TNS2: variants seen among roughly 807,000 people sequenced by gnomAD.
TNS2 encodes the protein tensin-2.
In TNS2, 77 loss-of-function variants were observed where a neutral mutation model predicts 155.7. The observed-to-expected ratio is 0.49, with a 90% CI of 0.41 to 0.60. TNS2 has a LOEUF of 0.60. TNS2 is among the 20% of genes least tolerant of loss of function. The pLI is 0.00. For missense variants in TNS2, 1,703 were observed against 1,868.8 expected, an observed-to-expected ratio of 0.91 and a Z score of 1.64; for synonymous variants, 726 against 763.9, an observed-to-expected ratio of 0.95 and a Z score of 0.82.
rs760587200 is a variant in TNS2 at position 53,063,544 on chromosome 12, CCTT to C, written c.4062-13_4062-11del. On this transcript the variant is annotated splice_polypyrimidine_tract_variant and intron_variant, in intron 27 of 28. Transcript: ENST00000314250. This position sits in a 1 kb window ranked among gnomAD's most constrained non-coding sequence, Gnocchi z 5.6. The stretch of plus-strand genomic sequence containing the variant: ...CTGTCCCCTGGGGTGTGCATCTTCA[CCTT>C]CTTCTCCTTCTGCAGATGGACCAAC... 59 of 1,613,386 alleles carry C rather than the reference CCTT, an allele frequency of 3.7e-5. No homozygotes were observed. Among genetic ancestry groups the C allele is most frequent in the Non-Finnish European group, 4.6e-5 (54 of 1,179,832 alleles).
intron 21 of TNS2, 101 bp from the exon 22 acceptor site, chr12:53,061,714 C>T: frequency 2.0e-6 from 3 of 1,535,302 alleles, no homozygotes; most frequent in East Asian, 2.3e-5. Flanking sequence ...GCTGTCAGGG[C>T]AGAGACCATG....
rs777428146 is a variant in TNS2 at position 53,057,767 on chromosome 12, C to T, written c.959-6C>T. On this transcript the variant is annotated splice_polypyrimidine_tract_variant and splice_region_variant and intron_variant, in intron 12 of 28. Coordinates refer to ENST00000314250, the MANE Select transcript of TNS2 (RefSeq NM_170754.4). ...CCCTCCTGTGCCTTCTCCTCTGCCC[C>T]TCCAGGCTTCCAGCCCTTCCTTAAA... 2 of 1,614,052 alleles carry T rather than the reference C, an allele frequency of 1.2e-6. No homozygotes were observed. Among genetic ancestry groups the T allele is most frequent in the African/African-American group, 1.3e-5 (1 of 74,934 alleles).
intron 3 of TNS2, 33 bp downstream of exon 3, chr12:53,052,525 G>A: frequency 6.2e-7 from 1 of 1,613,490 alleles, no homozygotes; most frequent in South Asian, 1.1e-5. Flanking sequence ...TAGGGGGAGA[G>A]GGTCTGGAGT....
Position 53,062,706 on chromosome 12 carries a change from T to G in TNS2, c.3823+9T>G. ...CCTGCGTCAGGGTGCTGGTAGAGAC[T>G]TCCCCTCCACTCCCCTCCCTCTCCC... On this transcript the variant is annotated intron_variant, in intron 25 of 28. Transcript: ENST00000314250. The G allele has an allele frequency of 6.2e-7, 1 of 1,613,640 alleles. No individual in the cohort carries two copies. Among genetic ancestry groups the G allele is most frequent in the Non-Finnish European group, 8.5e-7 (1 of 1,179,844 alleles).
chr12:53,057,692 G>A lies in TNS2; in HGVS notation c.958+13G>A, dbSNP rs1944209134. Reference sequence around the variant, plus strand: ...GAACCTGGCACAGGTGAGTCTGCCTGAGATGTGCTCCCTAGGGAGAACCAC... The same window carrying A: ...GAACCTGGCACAGGTGAGTCTGCCTAAGATGTGCTCCCTAGGGAGAACCAC... On this transcript the variant is annotated intron_variant, in intron 12 of 28. Transcript: ENST00000314250. 6.2e-7 allele frequency: 1 copy of A among 1,614,014 alleles called. No homozygotes were observed. The highest frequency in any genetic ancestry group is 8.5e-7 in the Non-Finnish European group (1 of 1,179,916).
chr12:53,058,585 C>T lies in TNS2; in HGVS notation c.1239C>T (p.Pro413=). The T allele has an allele frequency of 1.2e-6, 2 of 1,614,132 alleles. No individual in the cohort carries two copies. Among genetic ancestry groups the T allele is most frequent in the East Asian group, 2.2e-5 (1 of 44,878 alleles). ...LDEAWTDERF[P]FQASVEFVFS... is the part of the protein sequence containing the mutation. ...CACTCCCCATAGATGAGAGGTTCCCCTTCCAAGCCTCCGTGGAGTTTGTCT... is the reference window on the plus strand; with the variant it reads ...CACTCCCCATAGATGAGAGGTTCCCTTTCCAAGCCTCCGTGGAGTTTGTCT... The change falls in exon 16 of 29, where the codon CCC becomes CCT. Residue 413 remains proline, a synonymous_variant. Transcript: ENST00000314250.
chr12:53,055,541 C>T, intron 8 of TNS2, 27 bp from the exon 9 acceptor site: 2 of 1,578,696 alleles, frequency 1.3e-6, no homozygotes, highest in Non-Finnish European at 1.7e-6. Flanking sequence ...GCCCCCGGCC[C>T]CAGTTGCACC....
upstream of TNS2, among the ~76,000 whole-genome samples, chr12:53,047,727 G>A (rs1305849542): frequency 6.6e-6 from 1 of 152,174 alleles, no homozygotes; most frequent in African/African-American, 2.4e-5. Flanking sequence ...GGGTGCGGGC[G>A]AACGTTTTCC....
chr12:53,047,963 G>C (rs1943786754), upstream of TNS2, among the ~76,000 whole-genome samples: 1 of 152,238 alleles, frequency 6.6e-6, no homozygotes, highest in South Asian at 2.1e-4. Context: ...TTTCCAGAAA[G>C]GGGGGTGTGG....
chr12:53,055,130 C>G, intron 7 of TNS2, 56 bp from the exon 8 acceptor site: 1 of 1,587,520 alleles, frequency 6.3e-7, no homozygotes, highest in Non-Finnish European at 8.6e-7. Flanking sequence ...CCACCTCCAC[C>G]TCGTGCCTCA....
chr12:53,059,953 C>T lies in TNS2; in HGVS notation c.2312C>T (p.Thr771Ile), dbSNP rs1172454720. ...GAAGGGCACGAGGGCTGCTCCTACA[C>T]CATGTGCCCCGAAGGCAGGTATGGG... is the stretch of plus-strand genomic sequence containing the variant. ...GEEGHEGCSY[T>I]MCPEGRYGHP... The change falls in exon 18 of 29, where the codon ACC (threonine) becomes ATC (isoleucine). Residue 771 changes from threonine (T) to isoleucine (I), a missense_variant. Thr to Ile is a moderately conservative substitution (Grantham distance 89, BLOSUM62 -1). Transcript: ENST00000314250. The surrounding 1 kb of genome is among the most constrained non-coding windows in gnomAD (Gnocchi z 4.7). 3 of 1,612,564 alleles carry T rather than the reference C, an allele frequency of 1.9e-6. No homozygotes were observed. Among genetic ancestry groups the T allele is most frequent in the Non-Finnish European group, 2.5e-6 (3 of 1,179,618 alleles).
At chr12:53,055,065 T>A in intron 7 of TNS2, 121 bp from the exon 8 acceptor site, 1 of 1,157,372 alleles carries the variant, frequency 8.6e-7, no homozygotes, top group South Asian at 1.3e-5. Flanking sequence ...GTTATAGGCG[T>A]GAGTTACTGC....
In TNS2 at chr12:53,063,083, C is replaced by T. The variant is rs767285233; in HGVS notation, c.3824-6C>T. 2 of 1,529,818 alleles carry T rather than the reference C, an allele frequency of 1.3e-6. No homozygotes were observed. Among genetic ancestry groups the T allele is most frequent in the East Asian group, 2.3e-5 (1 of 44,196 alleles). The allele number at this position is 1,529,818 out of a possible 1,614,324, so 94.8% of individuals were successfully genotyped here. Reference sequence around the variant, plus strand: ...TCCCTCCCTGACCCACTCCCTGCCCCTGTAGCCTGCAGCGTGCTCTACTTG... The same window carrying T: ...TCCCTCCCTGACCCACTCCCTGCCCTTGTAGCCTGCAGCGTGCTCTACTTG... On this transcript the variant is annotated splice_polypyrimidine_tract_variant and splice_region_variant and intron_variant, in intron 25 of 28. Transcript: ENST00000314250. The surrounding 1 kb of genome is among the most constrained non-coding windows in gnomAD (Gnocchi z 5.6).
intron 21 of TNS2, 95 bp downstream of exon 21, chr12:53,061,564 C>G: frequency 1.4e-6 from 2 of 1,428,310 alleles, no homozygotes; most frequent in Admixed American, 1.8e-5. Flanking sequence ...CTTGGCTCCT[C>G]CTGTCTGAGC....
intron 4 of TNS2, 90 bp downstream of exon 4, chr12:53,053,539 ATGACCT>A: frequency 6.5e-7 from 1 of 1,544,338 alleles, no homozygotes; most frequent in Admixed American, 1.7e-5. Flanking sequence ...CCCCCAGGAG[ATGACCT>A]TGAACGGAGT....
chr12:53,061,997 G>A, intron 22 of TNS2, 57 bp downstream of exon 22: 1 of 1,609,802 alleles, frequency 6.2e-7, no homozygotes, highest in Non-Finnish European at 8.5e-7. Context: ...GGTGCCAGAG[G>A]CAAGGTAACA....
chr12:53,060,974 C>A lies in TNS2; in HGVS notation c.3068C>A (p.Pro1023His). 6.2e-7 allele frequency: 1 copy of A among 1,609,748 alleles called. No homozygotes were observed. Among genetic ancestry groups the A allele is most frequent in the East Asian group, 2.2e-5 (1 of 44,640 alleles). Residue 1023 changes from proline (P) to histidine (H), a missense_variant, in exon 20 of 29, where the codon CCC becomes CAC. Coordinates refer to ENST00000314250, the MANE Select transcript of TNS2 (RefSeq NM_170754.4). The surrounding 1 kb of genome is among the most constrained non-coding windows in gnomAD (Gnocchi z 6.1). ...GCCCCCTGGCAAGGCCCTCGAGGCC[C>A]CCCCGACAGCCCAGATGGGTCTCCC... The part of the protein sequence containing the change: ...RHAPWQGPRG[P>H]PDSPDGSPLT...
At chr12:53,052,229 A>C (rs1943961283) in intron 2 of TNS2, 2 of 622,974 alleles carry the variant, frequency 3.2e-6, no homozygotes, top group Non-Finnish European at 5.7e-6. Flanking sequence ...CTTCCTCCTC[A>C]CCTCCACCCA....
chr12:53,057,148 C>A (rs1475436620), intron 11 of TNS2, 52 bp downstream of exon 11: 2 of 1,549,164 alleles, frequency 1.3e-6, no homozygotes, highest in African/African-American at 2.7e-5. Flanking sequence ...TTCATGGCTA[C>A]CAAGGCCAAG....
Sources: gnomAD v4.1 joint callset for allele counts (sites outside exome capture counted in the v4.1 genomes callset) on GRCh38, gnomAD v4.1.1 for gene constraint, Gnocchi (gnomAD v3.1) non-coding constraint, MANE v1.5 for transcripts, NCBI Gene and HGNC (gene_info 2026-07-23, HGNC 2026-07-21) for gene names.